Variants in SAMD4A observed in about 807,000 individuals in gnomAD.
SAMD4A encodes the protein protein Smaug homolog 1.
In SAMD4A, 33 loss-of-function variants were observed where a neutral mutation model predicts 81.3. The observed-to-expected ratio is 0.41, with a 90% CI of 0.31 to 0.54. SAMD4A has a LOEUF of 0.54. Ranked by LOEUF, SAMD4A falls within the 20% of genes least tolerant of loss-of-function variation. The pLI is 0.37. For synonymous variants in SAMD4A, 389 were observed against 382.1 expected, an observed-to-expected ratio of 1.02 and a Z score of -0.21; for missense variants, 854 against 951.1, an observed-to-expected ratio of 0.90 and a Z score of 1.34.
At chr14:54,734,653 T>A (rs1316759321) in intron 3 of SAMD4A, among the ~76,000 whole-genome samples, 1 of 152,216 alleles carries the variant, frequency 6.6e-6, no homozygotes, top group Non-Finnish European at 1.5e-5. Context: ...CTTGGATAAC[T>A]GACAGCTTCC....
chr14:54,592,202 C>T (rs2033796349), intron 2 of SAMD4A, among the ~76,000 whole-genome samples: 1 of 152,184 alleles, frequency 6.6e-6, no homozygotes, highest in Non-Finnish European at 1.5e-5. Flanking sequence ...ACTCCTTCAA[C>T]ACTTATCTAC....
chr14:54,577,179 T>C (rs1269627476), intron 2 of SAMD4A, among the ~76,000 whole-genome samples: 1 of 152,244 alleles, frequency 6.6e-6, no homozygotes, highest in Non-Finnish European at 1.5e-5. Context: ...GGTAGGCATG[T>C]ATCCATTATT....
chr14:54,687,059 C>T (rs1167470402), intron 2 of SAMD4A, among the ~76,000 whole-genome samples: 1 of 152,180 alleles, frequency 6.6e-6, no homozygotes, highest in Non-Finnish European at 1.5e-5. Flanking sequence ...TCTGCCCTTC[C>T]CCTGACTGAC....
At position 54,774,955 on chromosome 14, in the gene SAMD4A, C is replaced by A; in HGVS notation, c.1737C>A (p.Asn579Lys). The A allele has an allele frequency of 6.2e-7, 1 of 1,614,240 alleles. No individual in the cohort carries two copies. The highest frequency in any genetic ancestry group is 8.5e-7 in the Non-Finnish European group (1 of 1,180,052). Residue 579 changes from asparagine (N) to lysine (K), a missense_variant, in exon 10 of 13, where the codon AAC (asparagine) becomes AAA (lysine). Transcript: ENST00000554335. The stretch of plus-strand genomic sequence containing the variant: ...ACAGTCGAGGCTTTGGGCAATCCAA[C>A]TCCCTCCCGACGGCTGGCTCTGTGG... The part of the protein sequence containing the change: ...QQRNRGFGQS[N>K]SLPTAGSVGG...
chr14:54,723,868 T>C (rs2037326257), intron 3 of SAMD4A, among the ~76,000 whole-genome samples: 1 of 152,166 alleles, frequency 6.6e-6, no homozygotes, highest in South Asian at 2.1e-4. Context: ...CTCTGGGAAG[T>C]TAACAATTAG....
intron 2 of SAMD4A, among the ~76,000 whole-genome samples, chr14:54,605,211 T>A (rs1020322999): frequency 6.6e-6 from 1 of 152,044 alleles, no homozygotes; most frequent in African/African-American, 2.4e-5. Flanking sequence ...AGCTTGAGTA[T>A]CTGGTACAGA....
At chr14:54,643,324 T>C (rs946417361) in intron 2 of SAMD4A, among the ~76,000 whole-genome samples, 2 of 152,254 alleles carry the variant, frequency 1.3e-5, no homozygotes, top group Non-Finnish European at 2.9e-5. Context: ...ACAAACTGCC[T>C]GTGAAGCTTC....
intron 4 of SAMD4A, among the ~76,000 whole-genome samples, chr14:54,737,889 A>G (rs1043667673): frequency 3.9e-5 from 6 of 152,190 alleles, no homozygotes; most frequent in African/African-American, 9.7e-5. Context: ...ACAGATTTGC[A>G]TACAGGTGAT....
intron 2 of SAMD4A, among the ~76,000 whole-genome samples, chr14:54,574,141 G>C (rs1172679555): frequency 6.6e-6 from 1 of 152,194 alleles, no homozygotes; most frequent in African/African-American, 2.4e-5. Flanking sequence ...AGAGCCCAGG[G>C]CCCTGTCAAA....
intron 2 of SAMD4A, among the ~76,000 whole-genome samples, chr14:54,631,595 T>C (rs2147537): frequency 0.13 from 19,990 of 152,260 alleles, 1,482 homozygotes; most frequent in Middle Eastern, 0.22. Context: ...TAGAATGATG[T>C]GGCCTCAAAG....
intron 2 of SAMD4A, among the ~76,000 whole-genome samples, chr14:54,701,675 G>A (rs566382032): frequency 6.6e-6 from 1 of 152,340 alleles, no homozygotes; most frequent in African/African-American, 2.4e-5. Flanking sequence ...TCTGGAATGG[G>A]ACCTTTGTTC....
intron 7 of SAMD4A, among the ~76,000 whole-genome samples, chr14:54,763,236 C>T (rs991821600): frequency 1.1e-4 from 17 of 151,700 alleles, no homozygotes; most frequent in Admixed American, 7.2e-4. Context: ...ATACTATAGC[C>T]GGACACGGTG....
At chr14:54,708,833 T>C (rs1180776167) in intron 3 of SAMD4A, among the ~76,000 whole-genome samples, 2 of 152,134 alleles carry the variant, frequency 1.3e-5, no homozygotes, top group East Asian at 3.9e-4. Context: ...TAGCACATGG[T>C]AGGTAATTAA....
intron 2 of SAMD4A, among the ~76,000 whole-genome samples, chr14:54,663,341 A>G (rs1346452339): frequency 6.6e-6 from 1 of 152,222 alleles, no homozygotes; most frequent in East Asian, 1.9e-4. Context: ...AGCAATAATG[A>G]GTAAAATGAT....
intron 2 of SAMD4A, among the ~76,000 whole-genome samples, chr14:54,578,553 A>C (rs1250133624): frequency 6.6e-6 from 1 of 152,046 alleles, no homozygotes; most frequent in Non-Finnish European, 1.5e-5. Flanking sequence ...TCTAACAAAA[A>C]TACAAAAAAT....
intron 2 of SAMD4A, among the ~76,000 whole-genome samples, chr14:54,619,778 A>T (rs562671828): frequency 2.4e-4 from 37 of 152,254 alleles, no homozygotes; most frequent in Non-Finnish European, 4.9e-4. Flanking sequence ...GCTAAGGATG[A>T]TGGCCTCCAG....
At position 54,788,764 on chromosome 14, in the gene SAMD4A, G is replaced by GGATGTAAATGC. The variant is rs1157906717; in HGVS notation, c.2129-151_2129-150insATGTAAATGCG. 1.1e-5 allele frequency: 9 copies of GGATGTAAATGC among 834,276 alleles called. No individual in the cohort carries two copies. In the African/African-American group the frequency reaches 1.5e-4, roughly 14 times the overall value. The allele number at this position is 834,276 out of a possible 1,614,324, so 51.7% of individuals were successfully genotyped here. A position where few individuals can be genotyped will look rare whatever the true frequency, so the allele number is the denominator to read the frequency against. ...ATAGCTGTTCCCCAGATATCATGTG[G>GGATGTAAATGC]GTGGGTATGTAAATGCGTGAACACA... On this transcript the variant is annotated intron_variant, in intron 12 of 12. Transcript: ENST00000554335.
chr14:54,590,374 G>A lies in SAMD4A; in HGVS notation c.196+22262G>A, dbSNP rs187318226. On this transcript the variant is annotated intron_variant, in intron 2 of 12. Coordinates refer to ENST00000554335, the MANE Select transcript of SAMD4A (RefSeq NM_015589.6). The stretch of plus-strand genomic sequence containing the variant: ...GGCATGGTGGTGTGTGCCTGTAGCC[G>A]CAGCTACTTGAGAGGCTGAGGTGGG... 1.6e-4 allele frequency among the ~76,000 whole-genome samples: 25 copies of A among 152,140 alleles called. No homozygotes were observed. In the East Asian group the frequency reaches 3.5e-3, roughly 21 times the overall value.
intron 2 of SAMD4A, among the ~76,000 whole-genome samples, chr14:54,691,641 G>A (rs186803839): frequency 6.6e-6 from 1 of 150,698 alleles, no homozygotes; most frequent in East Asian, 2.0e-4. Flanking sequence ...TGGTGCACAA[G>A]TAACAGGTGA....
Sources: allele counts gnomAD v4.1 joint callset (sites outside exome capture counted in the v4.1 genomes callset), GRCh38; gene constraint gnomAD v4.1.1; transcripts MANE v1.5; gene names NCBI Gene and HGNC (gene_info 2026-07-23, HGNC 2026-07-21).